The following CPNE8 variants were observed in gnomAD, a reference collection of about 807,000 sequenced individuals.
The protein encoded by CPNE8 is copine 8, also known as copine-8.
Under a neutral mutation model 81.5 loss-of-function variants are expected in CPNE8, and 45 were observed. The observed-to-expected ratio is 0.55, with a 90% CI of 0.44 to 0.71. The LOEUF (loss-of-function observed/expected upper bound fraction) is 0.71. CPNE8 is among the 30% of genes least tolerant of loss of function. The pLI is 0.00. For missense variants in CPNE8, 594 were observed against 672.1 expected, an observed-to-expected ratio of 0.88 and a Z score of 1.28; for synonymous variants, 252 against 226.3, an observed-to-expected ratio of 1.11 and a Z score of -1.02.
chr12:38,710,544 A>T (rs572534644), intron 13 of CPNE8, among the ~76,000 whole-genome samples: 1 of 152,324 alleles, frequency 6.6e-6, no homozygotes, highest in Non-Finnish European at 1.5e-5. Flanking sequence ...TGTTAGAAAT[A>T]AAACTCTCAA....
intron 1 of CPNE8, among the ~76,000 whole-genome samples, chr12:38,886,927 A>G (rs1288007548): frequency 7.2e-5 from 11 of 152,104 alleles, no homozygotes; most frequent in Non-Finnish European, 1.5e-5. Flanking sequence ...ACAGAGCAAA[A>G]AAGTTGTGAA....
At chr12:38,720,445 C>T (rs767830196) in intron 13 of CPNE8, among the ~76,000 whole-genome samples, 18 of 152,038 alleles carry the variant, frequency 1.2e-4, no homozygotes, top group South Asian at 2.1e-4. Context: ...CACCGCTGAC[C>T]GAACGTACTG....
intron 8 of CPNE8, among the ~76,000 whole-genome samples, 199 bp downstream of exon 8, chr12:38,767,436 T>A (rs1015644782): frequency 6.6e-6 from 1 of 152,080 alleles, no homozygotes; most frequent in Non-Finnish European, 1.5e-5. Flanking sequence ...AACTAGAAAT[T>A]TTTCATTTTA....
At chr12:38,902,899 A>G (rs776494697) in intron 1 of CPNE8, among the ~76,000 whole-genome samples, 17 of 152,190 alleles carry the variant, frequency 1.1e-4, no homozygotes, top group Admixed American at 4.6e-4. Context: ...ATAACACTCT[A>G]TATAAGGTAA....
chr12:38,785,111 C>T (rs963611493), intron 6 of CPNE8, among the ~76,000 whole-genome samples: 1 of 151,192 alleles, frequency 6.6e-6, no homozygotes, highest in African/African-American at 2.4e-5. Context: ...AAGATAATCG[C>T]TTGAACCCAG....
At position 38,801,791 on chromosome 12, in the gene CPNE8, C is replaced by A. The variant is rs879820015; in HGVS notation, c.408-25490G>T. ...TCACGTGCAGAGACACACATAGGCT[C>A]CAAATAAAAGGATGGAGGAAGATCT... On this transcript the variant is annotated intron_variant, in intron 6 of 19. Transcript: ENST00000331366. Among the ~76,000 whole-genome samples, 369 of 106,112 alleles carry A rather than the reference C, an allele frequency of 3.5e-3. 1 individual carries two copies. Among genetic ancestry groups the A allele is most frequent in the Middle Eastern group, 0.011 (2 of 182 alleles). The allele number at this position is 106,112 out of a possible 152,430, so 69.6% of individuals were successfully genotyped here. A position where few individuals can be genotyped will look rare whatever the true frequency, so the allele number is the denominator to read the frequency against.
At chr12:38,762,041 C>T (rs1941584301) in intron 9 of CPNE8, 71 bp downstream of exon 9, 1 of 695,056 alleles carries the variant, frequency 1.4e-6, no homozygotes, top group Non-Finnish European at 2.2e-6. Flanking sequence ...CCAACTTATC[C>T]CACTTCCTCA....
intron 6 of CPNE8, among the ~76,000 whole-genome samples, chr12:38,807,961 T>G (rs1019863642): frequency 4.6e-5 from 7 of 151,920 alleles, no homozygotes; most frequent in African/African-American, 1.7e-4. Flanking sequence ...CAGACACTTC[T>G]CAAAAGAAGA....
intron 3 of CPNE8, among the ~76,000 whole-genome samples, chr12:38,870,228 G>T (rs1177960376): frequency 6.6e-6 from 1 of 152,180 alleles, no homozygotes; most frequent in Admixed American, 6.5e-5. Flanking sequence ...AAGACAGTGT[G>T]GTGATTCCTC....
chr12:38,870,390 C>A (rs1345271664), intron 3 of CPNE8, among the ~76,000 whole-genome samples: 1 of 152,170 alleles, frequency 6.6e-6, no homozygotes, highest in Non-Finnish European at 1.5e-5. Flanking sequence ...TTGGAACCAA[C>A]CCAAATGCCC....
rs1303925872 is a variant in CPNE8 at position 38,653,871 on chromosome 12, T to G, written c.*11A>C. On this transcript the variant is annotated 3_prime_UTR_variant, in exon 20 of 20. Transcript: ENST00000331366. ...TTGATTTGTAGTTGACATTAGCATT[T>G]CAGAGCACAGTCATATTTGAGTCTG... is the stretch of plus-strand genomic sequence containing the variant. 5 of 1,608,250 alleles carry G rather than the reference T, an allele frequency of 3.1e-6. No homozygotes were observed. The highest frequency in any genetic ancestry group is 4.2e-6 in the Non-Finnish European group (5 of 1,178,150).
intron 19 of CPNE8, among the ~76,000 whole-genome samples, chr12:38,665,611 C>A (rs1591997241): frequency 6.6e-6 from 1 of 152,172 alleles, no homozygotes; most frequent in South Asian, 2.1e-4. Flanking sequence ...CAAGTCTAAG[C>A]CCTCAAGGTT....
intron 10 of CPNE8, among the ~76,000 whole-genome samples, chr12:38,750,301 C>A (rs1303945603): frequency 1.3e-5 from 2 of 152,152 alleles, no homozygotes; most frequent in Non-Finnish European, 2.9e-5. Flanking sequence ...TCATGGAGAA[C>A]CTCTGCTAGG....
intron 16 of CPNE8, among the ~76,000 whole-genome samples, chr12:38,682,049 G>T (rs560778233): frequency 6.6e-6 from 1 of 151,752 alleles, no homozygotes; most frequent in Non-Finnish European, 1.5e-5. Flanking sequence ...GCGAAACCCC[G>T]TCTCTTCTAA....
At chr12:38,883,274 T>C (rs1403822085) in intron 1 of CPNE8, among the ~76,000 whole-genome samples, 1 of 152,228 alleles carries the variant, frequency 6.6e-6, no homozygotes, top group African/African-American at 2.4e-5. Context: ...TTGATTTTGA[T>C]TTTTGATGTC....
chr12:38,675,715 AC>A lies in CPNE8; in HGVS notation c.1432+1del. The stretch of plus-strand genomic sequence containing the variant: ...GAATATTATTGAAATTTTACTACTC[AC>A]CATCAAATTCTGCTGGTCCAACACC... On this transcript the variant is annotated splice_donor_variant, in intron 18 of 19. Coordinates refer to ENST00000331366, the MANE Select transcript of CPNE8 (RefSeq NM_153634.3). LOFTEE classifies it high-confidence loss of function. 1 of 1,584,894 alleles carries A rather than the reference AC, an allele frequency of 6.3e-7. No individual in the cohort carries two copies. The highest frequency in any genetic ancestry group is 8.7e-7 in the Non-Finnish European group (1 of 1,153,928).
chr12:38,654,377 C>CGGTG (rs1270433201), intron 19 of CPNE8, among the ~76,000 whole-genome samples: 3 of 151,436 alleles, frequency 2.0e-5, no homozygotes, highest in Non-Finnish European at 4.4e-5. Context: ...TAGCTGGGTG[C>CGGTG]GGTGGCACAC....
chr12:38,878,260 G>A (rs1944096253), intron 1 of CPNE8, among the ~76,000 whole-genome samples: 1 of 152,006 alleles, frequency 6.6e-6, no homozygotes, highest in South Asian at 2.1e-4. Flanking sequence ...GACTCACCTC[G>A]AAATCTTTCT....
At chr12:38,698,039 G>A (rs1399631325) in intron 14 of CPNE8, among the ~76,000 whole-genome samples, 2 of 152,158 alleles carry the variant, frequency 1.3e-5, no homozygotes, top group African/African-American at 2.4e-5. Flanking sequence ...AATGTTATGA[G>A]GATTCTGATT....
Sources: allele counts gnomAD v4.1 joint callset (sites outside exome capture counted in the v4.1 genomes callset), GRCh38; gene constraint gnomAD v4.1.1; transcripts MANE v1.5; gene names NCBI Gene and HGNC (gene_info 2026-07-23, HGNC 2026-07-21).